The following AGBL4 variants were observed in gnomAD, a reference collection of about 807,000 sequenced individuals.
AGBL4 encodes AGBL carboxypeptidase 4, also known as cytosolic carboxypeptidase 6.
Under a neutral mutation model 66.4 loss-of-function variants are expected in AGBL4, and 58 were observed. That is an observed-to-expected ratio of 0.87 (90% CI 0.71 to 1.09). AGBL4 has a LOEUF of 1.09. AGBL4 is among the 50% of genes least tolerant of loss of function. AGBL4 has a pLI of 0.00. For synonymous variants in AGBL4, 234 were observed against 222.9 expected (o/e 1.05, Z -0.44); for missense variants, 579 against 631.0 (o/e 0.92, Z 0.88).
At chr1:49,770,979 A>T (rs1644040715) in intron 2 of AGBL4, among the ~76,000 whole-genome samples, 1 of 151,992 alleles carries the variant, frequency 6.6e-6, no homozygotes, top group Non-Finnish European at 1.5e-5. Context: ...ATTGATTTTT[A>T]AATTTTTTTT....
chr1:48,627,806 A>G (rs1028100420), intron 9 of AGBL4, among the ~76,000 whole-genome samples: 4 of 152,102 alleles, frequency 2.6e-5, no homozygotes. Flanking sequence ...CAAAATAGCA[A>G]CTTTGGGTTC....
chr1:49,931,648 G>A (rs1295900769), intron 1 of AGBL4, among the ~76,000 whole-genome samples: 2 of 151,982 alleles, frequency 1.3e-5, no homozygotes, highest in African/African-American at 4.8e-5. Context: ...ATGAGATTTG[G>A]GTGAGGAAAC....
intron 4 of AGBL4, among the ~76,000 whole-genome samples, chr1:49,166,088 C>T (rs908329725): frequency 6.6e-6 from 1 of 152,120 alleles, no homozygotes; most frequent in African/African-American, 2.4e-5. Flanking sequence ...AGCAATTTAA[C>T]ATTTAACAAC....
intron 2 of AGBL4, among the ~76,000 whole-genome samples, chr1:49,729,268 G>GA (rs767930380): frequency 2.7e-4 from 41 of 152,218 alleles, no homozygotes; most frequent in Admixed American, 5.2e-4. Flanking sequence ...GTAAGCAGCA[G>GA]AAAATCACTA....
At position 49,775,165 on chromosome 1, in the gene AGBL4, G is replaced by A. The variant is rs184179837; in HGVS notation, c.157+76231C>T. ...AATATCATATAATGTTTAAGAGCAC[G>A]TGATCTGGAATTATACAGTCCCAAG... On this transcript the variant is annotated intron_variant, in intron 2 of 13. Transcript: ENST00000371839. Among the ~76,000 whole-genome samples the A allele has an allele frequency of 1.8e-4, 27 of 152,214 alleles. No individual in the cohort carries two copies. In the East Asian group the frequency reaches 3.3e-3, roughly 18 times the overall value.
intron 4 of AGBL4, among the ~76,000 whole-genome samples, chr1:49,178,495 T>C (rs1035571013): frequency 1.3e-5 from 2 of 152,164 alleles, no homozygotes; most frequent in Admixed American, 6.5e-5. Context: ...CCACGCCATA[T>C]AGTAATTATG....
intron 4 of AGBL4, among the ~76,000 whole-genome samples, chr1:49,171,744 A>G (rs1164116438): frequency 6.6e-6 from 1 of 152,144 alleles, no homozygotes; most frequent in Non-Finnish European, 1.5e-5. Flanking sequence ...TATATCCTTC[A>G]GGGAGACACT....
intron 2 of AGBL4, among the ~76,000 whole-genome samples, chr1:49,846,617 GTGGTTACAT>G (rs929396913): frequency 1.3e-5 from 2 of 152,096 alleles, no homozygotes; most frequent in Non-Finnish European, 2.9e-5. Flanking sequence ...TTCAATCTTT[GTGGTTACAT>G]GATAGGTGTA....
chr1:49,161,099 G>GA (rs1395962274), intron 4 of AGBL4, among the ~76,000 whole-genome samples: 43 of 149,096 alleles, frequency 2.9e-4, no homozygotes, highest in East Asian at 7.8e-4. Context: ...AGTAGGGTAT[G>GA]AAAAAAAAAA....
intron 2 of AGBL4, among the ~76,000 whole-genome samples, chr1:49,740,439 A>G (rs1300382024): frequency 6.6e-6 from 1 of 152,192 alleles, no homozygotes; most frequent in Non-Finnish European, 1.5e-5. Context: ...AGACTCCCAC[A>G]CAATAATAAT....
intron 1 of AGBL4, among the ~76,000 whole-genome samples, chr1:49,891,330 A>C (rs183600844): frequency 2.0e-5 from 3 of 152,324 alleles, no homozygotes; most frequent in Admixed American, 1.3e-4. Flanking sequence ...ATGTGTAAGG[A>C]AAGTTCTAAT....
At chr1:49,281,140 A>G (rs1644264227) in intron 3 of AGBL4, among the ~76,000 whole-genome samples, 1 of 152,214 alleles carries the variant, frequency 6.6e-6, no homozygotes, top group African/African-American at 2.4e-5. Context: ...ATAAGAAAAA[A>G]AGACCCTAAA....
intron 3 of AGBL4, among the ~76,000 whole-genome samples, chr1:49,619,256 G>A (rs1045699981): frequency 1.3e-5 from 2 of 152,140 alleles, no homozygotes; most frequent in African/African-American, 4.8e-5. Flanking sequence ...AAGCTGATAA[G>A]CAACTTCAGC....
intron 5 of AGBL4, among the ~76,000 whole-genome samples, chr1:49,018,070 T>C (rs774759337): frequency 6.6e-5 from 10 of 152,048 alleles, no homozygotes; most frequent in Admixed American, 6.5e-5. Flanking sequence ...AACCTAGGAA[T>C]AAGGGACCAG....
At chr1:49,824,992 T>G (rs1357721720) in intron 2 of AGBL4, among the ~76,000 whole-genome samples, 1 of 152,218 alleles carries the variant, frequency 6.6e-6, no homozygotes, top group African/African-American at 2.4e-5. Context: ...TAGATTTTTT[T>G]TCTCCACTCA....
At chr1:49,688,492 G>C (rs917343320) in intron 3 of AGBL4, among the ~76,000 whole-genome samples, 1 of 152,124 alleles carries the variant, frequency 6.6e-6, no homozygotes, top group African/African-American at 2.4e-5. Flanking sequence ...ACAGACACTT[G>C]AGTTACTTCC....
intron 2 of AGBL4, among the ~76,000 whole-genome samples, chr1:49,817,371 C>T (rs1645257551): frequency 6.6e-6 from 1 of 152,140 alleles, no homozygotes; most frequent in Non-Finnish European, 1.5e-5. Context: ...AATAAGTTTC[C>T]AGCTTCCTTT....
At chr1:49,806,879 A>G (rs961033146) in intron 2 of AGBL4, among the ~76,000 whole-genome samples, 6 of 152,192 alleles carry the variant, frequency 3.9e-5, no homozygotes, top group African/African-American at 1.4e-4. Context: ...CCCCAGGTTC[A>G]GCTCCAGTGG....
chr1:49,993,915 T>C (rs1267967367), intron 1 of AGBL4, among the ~76,000 whole-genome samples: 1 of 152,198 alleles, frequency 6.6e-6, no homozygotes, highest in African/African-American at 2.4e-5. Context: ...AACTGGCTAA[T>C]CCTTTTACCA....
Sources: gnomAD v4.1 joint callset for allele counts (sites outside exome capture counted in the v4.1 genomes callset) on GRCh38, gnomAD v4.1.1 for gene constraint, MANE v1.5 for transcripts, NCBI Gene and HGNC (gene_info 2026-07-23, HGNC 2026-07-21) for gene names.